Variants in NEURL1 observed in about 807,000 individuals in gnomAD.
The protein encoded by NEURL1 is E3 ubiquitin-protein ligase NEURL1.
NEURL1 carries 26 observed loss-of-function variants against 41.2 expected under a neutral mutation model. The observed-to-expected ratio is 0.63, with a 90% CI of 0.46 to 0.87. NEURL1 has a LOEUF of 0.87. Ranked by LOEUF, NEURL1 falls within the 40% of genes least tolerant of loss-of-function variation. NEURL1 has a pLI of 0.00. For missense variants in NEURL1, 761 were observed against 871.1 expected (o/e 0.87, Z 1.59); for synonymous variants, 400 against 402.3 (o/e 0.99, Z 0.07).
At chr10:103,520,533 C>T (rs986869274) in intron 1 of NEURL1, among the ~76,000 whole-genome samples, 5 of 152,120 alleles carry the variant, frequency 3.3e-5, no homozygotes, top group African/African-American at 4.8e-5. Context: ...AGGCAGGAAC[C>T]GACCATTTTG....
At chr10:103,510,940 C>T (rs924507663) in intron 1 of NEURL1, among the ~76,000 whole-genome samples, 1 of 152,180 alleles carries the variant, frequency 6.6e-6, no homozygotes, top group African/African-American at 2.4e-5. Flanking sequence ...TTCCAGGCCA[C>T]CCCCCGCCGC....
intron 5 of NEURL1, 118 bp downstream of exon 5, chr10:103,589,778 T>C (rs2133887892): frequency 2.2e-6 from 3 of 1,380,382 alleles, no homozygotes; most frequent in South Asian, 1.4e-5. Context: ...TAAACCCTTG[T>C]TGGGGGGTGA....
chr10:103,525,764 T>G (rs898339126), intron 1 of NEURL1, among the ~76,000 whole-genome samples: 4 of 152,236 alleles, frequency 2.6e-5, no homozygotes, highest in Non-Finnish European at 5.9e-5. Flanking sequence ...TTGCTCTGGC[T>G]AGTACTTCCA....
chr10:103,580,536 C>T (rs1461060292), intron 3 of NEURL1, among the ~76,000 whole-genome samples: 1 of 152,206 alleles, frequency 6.6e-6, no homozygotes, highest in African/African-American at 2.4e-5. Context: ...AACTTGGTAT[C>T]AGCTCACTCA....
intron 1 of NEURL1, among the ~76,000 whole-genome samples, chr10:103,511,318 T>C (rs1393123663): frequency 1.3e-5 from 2 of 152,166 alleles, no homozygotes; most frequent in African/African-American, 4.8e-5. Context: ...GGCCTGGCCA[T>C]GGAACCTGAG....
rs368644462 is a variant in NEURL1, at chr10:103,588,573, A to G, written c.1340-941A>G. 930 of 332,042 alleles carry G rather than the reference A, an allele frequency of 2.8e-3. 17 individuals are homozygous for G. Among genetic ancestry groups the G allele is most frequent in the South Asian group, 0.02 (912 of 45,104 alleles). The allele number at this position is 332,042 out of a possible 1,614,324, so 20.6% of individuals were successfully genotyped here. ...TAGCTTTCTGTCTGCACGGGGCCTG[A>G]TGCCTGGTAGGTCCTTGGTAAGGAT... On this transcript the variant is annotated intron_variant, in intron 4 of 5. Coordinates refer to ENST00000369780, the MANE Select transcript of NEURL1 (RefSeq NM_004210.5).
chr10:103,578,842 C>A (rs533614926), intron 3 of NEURL1, among the ~76,000 whole-genome samples: 15 of 152,226 alleles, frequency 9.9e-5, no homozygotes, highest in Non-Finnish European at 1.9e-4. Context: ...CACTTCCCGG[C>A]TCCCTCCCAT....
At position 103,558,242 on chromosome 10, in the gene NEURL1, C is replaced by T. The variant is rs2035201001; in HGVS notation, c.86-12630C>T. The T allele has an allele frequency of 5.1e-6, 5 of 984,988 alleles. No homozygotes were observed. The highest frequency in any genetic ancestry group is 9.4e-5 in the South Asian group (2 of 21,258). The allele number at this position is 984,988 out of a possible 1,614,324, so 61.0% of individuals were successfully genotyped here. A position where few individuals can be genotyped will look rare whatever the true frequency, so the allele number is the denominator to read the frequency against. On this transcript the variant is annotated intron_variant, in intron 1 of 5. Transcript: ENST00000369780. The surrounding 1 kb of genome is among the most constrained non-coding windows in gnomAD (Gnocchi z 4.2). ...TCGGGCCAAACATTTTGGATTGCTG[C>T]GTTAAAGTGAGTGAGGGGAGGGTGA...
At chr10:103,565,195 A>G (rs2035393831) in intron 1 of NEURL1, among the ~76,000 whole-genome samples, 1 of 152,152 alleles carries the variant, frequency 6.6e-6, no homozygotes, top group African/African-American at 2.4e-5. Context: ...TCAGGAGGGC[A>G]GCTGGGGCCT....
chr10:103,546,098 G>C (rs1265761466), intron 1 of NEURL1, among the ~76,000 whole-genome samples: 2 of 152,192 alleles, frequency 1.3e-5, no homozygotes, highest in African/African-American at 4.8e-5. Flanking sequence ...AAACTCCTGG[G>C]CTCAAGTGAT....
chr10:103,530,963 C>G (rs562066775), intron 1 of NEURL1, among the ~76,000 whole-genome samples: 81 of 152,126 alleles, frequency 5.3e-4, no homozygotes, highest in Admixed American at 7.9e-4. Context: ...TGGCTTATGC[C>G]TATAATCCCA....
intron 1 of NEURL1, among the ~76,000 whole-genome samples, chr10:103,570,124 C>A (rs2035507118): frequency 6.6e-6 from 1 of 152,224 alleles, no homozygotes; most frequent in Non-Finnish European, 1.5e-5. Context: ...AGGCCTCTGT[C>A]ACATTTTGTG....
intron 1 of NEURL1, among the ~76,000 whole-genome samples, chr10:103,497,997 G>A (rs1334418052): frequency 6.6e-6 from 1 of 152,130 alleles, no homozygotes; most frequent in Non-Finnish European, 1.5e-5. Flanking sequence ...GTGGAAGAAG[G>A]GGGAAAGGCA....
intron 1 of NEURL1, among the ~76,000 whole-genome samples, chr10:103,520,989 G>A (rs143013962): frequency 2.3e-3 from 344 of 152,300 alleles, no homozygotes; most frequent in African/African-American, 8.0e-3. Context: ...GAATTGGGAG[G>A]ACCCAGGACA....
At chr10:103,568,789 T>C (rs2035478475) in intron 1 of NEURL1, among the ~76,000 whole-genome samples, 2 of 150,898 alleles carry the variant, frequency 1.3e-5, no homozygotes, top group South Asian at 4.3e-4. Flanking sequence ...TTATCTGTTT[T>C]TGTTTTTTTG....
intron 1 of NEURL1, among the ~76,000 whole-genome samples, chr10:103,551,514 G>A (rs918373699): frequency 2.6e-5 from 4 of 152,054 alleles, no homozygotes; most frequent in Non-Finnish European, 1.5e-5. Flanking sequence ...ATGTTGGCAA[G>A]GCTGGTCTTG....
Position 103,571,099 on chromosome 10 carries a change from C to T in NEURL1, c.313C>T (p.Gln105Ter). Residue 105 changes from glutamine (Q) to a stop codon, truncating the protein, a stop_gained, in exon 2 of 6, where the codon CAA becomes TAA. Coordinates refer to ENST00000369780, the MANE Select transcript of NEURL1 (RefSeq NM_004210.5). LOFTEE classifies it high-confidence loss of function. ...FSNRPVLIYE[Q>*]VRLKITKKQC... ...CAACCGCCCGGTCCTCATCTACGAG[C>T]AAGTCAGGCTGAAGGTGGGCCTGCC... The T allele has an allele frequency of 6.2e-7, 1 of 1,613,508 alleles. No homozygotes were observed. The highest frequency in any genetic ancestry group is 8.5e-7 in the Non-Finnish European group (1 of 1,179,976).
At chr10:103,562,148 G>T (rs1459395010) in intron 1 of NEURL1, among the ~76,000 whole-genome samples, 1 of 152,220 alleles carries the variant, frequency 6.6e-6, no homozygotes, top group Non-Finnish European at 1.5e-5. Context: ...ATTTTGGGAG[G>T]CCTAGGCGGG....
At chr10:103,561,159 C>T (rs573746477) in intron 1 of NEURL1, among the ~76,000 whole-genome samples, 211 of 152,274 alleles carry the variant, frequency 1.4e-3, no homozygotes, top group Non-Finnish European at 1.8e-3. Flanking sequence ...GGCTTCCCCC[C>T]GAGGGAGCAA....
Sources: allele counts gnomAD v4.1 joint callset (sites outside exome capture counted in the v4.1 genomes callset), GRCh38; gene constraint gnomAD v4.1.1; non-coding constraint Gnocchi (gnomAD v3.1); transcripts MANE v1.5; gene names NCBI Gene and HGNC (gene_info 2026-07-23, HGNC 2026-07-21).